Variants in LDLRAD4 observed in about 807,000 individuals in gnomAD.
LDLRAD4 encodes the protein low-density lipoprotein receptor class A domain-containing protein 4.
In LDLRAD4, 5 loss-of-function variants were observed where a neutral mutation model predicts 17.0. The observed-to-expected ratio is 0.29, with a 90% confidence interval of 0.15 to 0.62. The LOEUF is 0.62. Ranked by LOEUF, LDLRAD4 falls within the 20% of genes least tolerant of loss-of-function variation. The pLI, the probability that LDLRAD4 is intolerant of heterozygous loss-of-function variation, is 0.84. For synonymous variants in LDLRAD4, 168 were observed against 171.8 expected (o/e 0.98, Z 0.17); for missense variants, 340 against 424.7 (o/e 0.80, Z 1.75).
rs902026027 is a variant in LDLRAD4, at chr18:13,648,431, T to C, written c.*2774T>C. The C allele has an allele frequency of 2.6e-5, 4 of 152,334 alleles. No homozygotes were observed. The East Asian group carries it at 7.7e-4, about 29-fold the overall frequency. The allele number at this position is 152,334 out of a possible 1,614,324, so 9.4% of individuals were successfully genotyped here. On this transcript the variant is annotated 3_prime_UTR_variant, in exon 6 of 6. Transcript: ENST00000359446. ...AGGCTGGGGCTCTGTAATGAATTAG[T>C]TTAAAAGCCAAGGTCATAACATGAA... is the stretch of plus-strand genomic sequence containing the variant.
intron 3 of LDLRAD4, chr18:13,519,967 T>G (rs1377417903): frequency 2.0e-5 from 3 of 152,196 alleles, no homozygotes; most frequent in Non-Finnish European, 4.4e-5. Context: ...AAAACATACT[T>G]GGAATTTGCT....
At chr18:13,390,504 T>C (rs1428330946) in intron 2 of LDLRAD4, among the ~76,000 whole-genome samples, 1 of 152,108 alleles carries the variant, frequency 6.6e-6, no homozygotes, top group African/African-American at 2.4e-5. Flanking sequence ...GTTTAATTGG[T>C]CTTGGCATCA....
chr18:13,383,608 C>CCA (rs1402516565), intron 1 of LDLRAD4, among the ~76,000 whole-genome samples: 1 of 152,244 alleles, frequency 6.6e-6, no homozygotes, highest in African/African-American at 2.4e-5. Context: ...CGTGTTTGCT[C>CCA]CACAGATGCC....
At chr18:13,525,816 G>A (rs778561488) in intron 3 of LDLRAD4, among the ~76,000 whole-genome samples, 2 of 152,182 alleles carry the variant, frequency 1.3e-5, no homozygotes, top group African/African-American at 4.8e-5. Context: ...TCTAGGGGGC[G>A]GAATGACCAG....
At position 13,621,611 on chromosome 18, in the gene LDLRAD4, G is replaced by A. The variant is rs1386650443; in HGVS notation, c.336+340G>A. Among the ~76,000 whole-genome samples the A allele has an allele frequency of 6.6e-6, 1 of 152,210 alleles. No individual in the cohort carries two copies. Among genetic ancestry groups the A allele is most frequent in the Non-Finnish European group, 1.5e-5 (1 of 68,026 alleles). On this transcript the variant is annotated intron_variant, in intron 4 of 5. Transcript: ENST00000359446. The surrounding 1 kb of genome is among the most constrained non-coding windows in gnomAD (Gnocchi z 5.5). ...CCTCGTGCCTGGCTCCTCTGGCTTG[G>A]CAGTGCACTTGTGAGATTCATTGTG...
chr18:13,363,492 C>A (rs1568052795), intron 1 of LDLRAD4, among the ~76,000 whole-genome samples: 1 of 152,148 alleles, frequency 6.6e-6, no homozygotes, highest in East Asian at 1.9e-4. Context: ...TTTAATTATT[C>A]CAGTGCCAAA....
At chr18:13,603,717 C>T (rs930309802) in intron 3 of LDLRAD4, among the ~76,000 whole-genome samples, 2 of 152,230 alleles carry the variant, frequency 1.3e-5, no homozygotes, top group African/African-American at 4.8e-5. Flanking sequence ...GCTCCTGCAG[C>T]ACATCCGTCA....
chr18:13,305,466 A>G (rs185865147), intron 1 of LDLRAD4, among the ~76,000 whole-genome samples: 1 of 152,362 alleles, frequency 6.6e-6, no homozygotes, highest in Admixed American at 6.5e-5. Context: ...TCTTCTCAAC[A>G]GTAAATTTCA....
intron 3 of LDLRAD4, among the ~76,000 whole-genome samples, chr18:13,496,576 A>C (rs1349870395): frequency 6.6e-6 from 1 of 152,216 alleles, no homozygotes; most frequent in African/African-American, 2.4e-5. Context: ...AGTTAAATTT[A>C]GTGTTTCGAA....
intron 1 of LDLRAD4, among the ~76,000 whole-genome samples, chr18:13,287,024 G>A (rs193237651): frequency 2.0e-5 from 3 of 152,296 alleles, no homozygotes; most frequent in Admixed American, 2.0e-4. Flanking sequence ...GGACCAGCCC[G>A]TGTGGCTGGA....
chr18:13,530,914 G>A (rs1038026518), intron 3 of LDLRAD4, among the ~76,000 whole-genome samples: 1 of 152,178 alleles, frequency 6.6e-6, no homozygotes, highest in Non-Finnish European at 1.5e-5. Context: ...CCTGGGCAGC[G>A]AAACTTCATT....
At chr18:13,256,229 G>A (rs1007144132) in intron 1 of LDLRAD4, among the ~76,000 whole-genome samples, 1 of 152,208 alleles carries the variant, frequency 6.6e-6, no homozygotes, top group Admixed American at 6.5e-5. Context: ...AAACTGCCCT[G>A]GATGTAGGGG....
At chr18:13,336,561 T>C (rs920206318) in intron 1 of LDLRAD4, among the ~76,000 whole-genome samples, 44 of 152,202 alleles carry the variant, frequency 2.9e-4, no homozygotes, top group African/African-American at 1.1e-3. Context: ...TACCTAAGTT[T>C]CAATTTCTAG....
chr18:13,339,582 G>A (rs1014913190), intron 1 of LDLRAD4, among the ~76,000 whole-genome samples: 2 of 151,948 alleles, frequency 1.3e-5, no homozygotes, highest in African/African-American at 4.8e-5. Context: ...ACTTTATATA[G>A]CCAGAAAAGG....
At chr18:13,534,438 G>A (rs1324765648) in intron 3 of LDLRAD4, among the ~76,000 whole-genome samples, 1 of 151,990 alleles carries the variant, frequency 6.6e-6, no homozygotes, top group Non-Finnish European at 1.5e-5. Flanking sequence ...TGAATGAGTT[G>A]TTTTTCTTAA....
At chr18:13,279,923 G>A (rs950813149) in intron 1 of LDLRAD4, 1 of 152,206 alleles carries the variant, frequency 6.6e-6, no homozygotes, top group Non-Finnish European at 1.5e-5. Flanking sequence ...TCTGTTACTT[G>A]CAAAATTTTG....
At chr18:13,546,002 G>A (rs1334461223) in intron 3 of LDLRAD4, among the ~76,000 whole-genome samples, 1 of 152,124 alleles carries the variant, frequency 6.6e-6, no homozygotes, top group Admixed American at 6.6e-5. Context: ...CATAACTGTG[G>A]GATCACAGGC....
chr18:13,610,275 T>TG (rs1262294987), intron 3 of LDLRAD4, among the ~76,000 whole-genome samples: 1 of 31,306 alleles, frequency 3.2e-5, no homozygotes, highest in Non-Finnish European at 6.3e-5. Context: ...ATTTTTTTTT[T>TG]TTTTTTTTTT....
intron 3 of LDLRAD4, among the ~76,000 whole-genome samples, chr18:13,595,065 T>A (rs1413957244): frequency 6.6e-6 from 1 of 152,170 alleles, no homozygotes; most frequent in Non-Finnish European, 1.5e-5. Flanking sequence ...ACTTTTATCA[T>A]TGTAAGGCTG....
Sources: allele counts gnomAD v4.1 joint callset (sites outside exome capture counted in the v4.1 genomes callset), GRCh38; gene constraint gnomAD v4.1.1; non-coding constraint Gnocchi (gnomAD v3.1); transcripts MANE v1.5; gene names NCBI Gene and HGNC (gene_info 2026-07-23, HGNC 2026-07-21).